The following USP34 variants were observed in gnomAD, a reference collection of about 807,000 sequenced individuals.
The protein encoded by USP34 is ubiquitin carboxyl-terminal hydrolase 34.
In USP34, 70 loss-of-function variants were observed where a neutral mutation model predicts 460.3. The ratio of observed to expected loss-of-function variants is 0.15; its 90% CI spans 0.13 to 0.19. The LOEUF is 0.19. Ranked by LOEUF, USP34 falls within the 10% of genes least tolerant of loss-of-function variation. USP34 has a pLI of 1.00. For missense variants in USP34, 3,985 were observed against 4,236.2 expected (o/e 0.94, Z 1.65); for synonymous variants, 1,647 against 1,405.3 (o/e 1.17, Z -3.85).
chr2:61,197,681 T>C (rs1686847515), intron 75 of USP34, among the ~76,000 whole-genome samples: 2 of 152,212 alleles, frequency 1.3e-5, no homozygotes, highest in African/African-American at 4.8e-5. Context: ...CATTGTAACC[T>C]TGAACTCCTG....
intron 1 of USP34, among the ~76,000 whole-genome samples, chr2:61,446,690 G>A (rs932205230): frequency 1.3e-5 from 2 of 151,892 alleles, no homozygotes; most frequent in Non-Finnish European, 2.9e-5. Flanking sequence ...CAGCTACTCA[G>A]GAGGCTGAGG....
At chr2:61,445,918 A>C (rs1001564247) in intron 1 of USP34, among the ~76,000 whole-genome samples, 1 of 152,014 alleles carries the variant, frequency 6.6e-6, no homozygotes, top group Admixed American at 6.6e-5. Flanking sequence ...ACTGCACTCC[A>C]GCCTGGGCAA....
chr2:61,221,847 G>T (rs551920530), intron 65 of USP34: 38 of 346,226 alleles, frequency 1.1e-4, no homozygotes, highest in East Asian at 8.4e-4. Context: ...TTTTGGAAAA[G>T]ATAATTATAA....
At chr2:61,350,733 C>T in intron 10 of USP34, 40 bp from the exon 11 acceptor site, 2 of 1,589,866 alleles carry the variant, frequency 1.3e-6, no homozygotes, top group Non-Finnish European at 1.7e-6. Flanking sequence ...AAAATAATTG[C>T]CCAATACATG....
At chr2:61,313,823 T>G (rs1328668833) in intron 25 of USP34, among the ~76,000 whole-genome samples, 1 of 152,124 alleles carries the variant, frequency 6.6e-6, no homozygotes, top group Non-Finnish European at 1.5e-5. Context: ...TACTATGCAA[T>G]CTTTCTTGAT....
At chr2:61,367,401 G>T (rs1021339739) in intron 10 of USP34, among the ~76,000 whole-genome samples, 1 of 152,200 alleles carries the variant, frequency 6.6e-6, no homozygotes, top group Non-Finnish European at 1.5e-5. Context: ...GCTCACTTGA[G>T]CCCAGAAGTT....
chr2:61,455,942 T>C (rs1695425240), intron 1 of USP34, among the ~76,000 whole-genome samples: 1 of 152,116 alleles, frequency 6.6e-6, no homozygotes, highest in Admixed American at 6.6e-5. Flanking sequence ...GGAGCAAGAT[T>C]TGAACTCAGG....
intron 29 of USP34, among the ~76,000 whole-genome samples, chr2:61,299,793 G>A (rs1034009301): frequency 9.2e-5 from 14 of 152,104 alleles, no homozygotes; most frequent in African/African-American, 3.4e-4. Flanking sequence ...CATCTTTATA[G>A]TGATAACCCA....
chr2:61,305,776 CTTT>C (rs202131348), intron 27 of USP34, among the ~76,000 whole-genome samples: 3 of 149,382 alleles, frequency 2.0e-5, no homozygotes, highest in African/African-American at 7.4e-5. Context: ...TCTTTATATC[CTTT>C]TTTTTTTCCC....
rs1686482142 is a variant in USP34, at chr2:61,187,863, A to AAC, written c.*237_*238dup. Reference sequence around the variant, plus strand: ...ATATTAAATGAAAGCCACTAAAGTGAACTCTTAATTACATAAAACATATCC... The same window carrying AAC: ...ATATTAAATGAAAGCCACTAAAGTGAACACTCTTAATTACATAAAACATATCC... On this transcript the variant is annotated 3_prime_UTR_variant, in exon 80 of 80. Coordinates refer to ENST00000398571, the MANE Select transcript of USP34 (RefSeq NM_014709.4). The AAC allele has an allele frequency of 1.5e-6, 2 of 1,313,194 alleles. No homozygotes were observed. The highest frequency in any genetic ancestry group is 2.0e-6 in the Non-Finnish European group (2 of 1,018,614). The allele number at this position is 1,313,194 out of a possible 1,614,324, so 81.3% of individuals were successfully genotyped here.
At chr2:61,252,051 A>G (rs552810666) in intron 48 of USP34, among the ~76,000 whole-genome samples, 3 of 152,230 alleles carry the variant, frequency 2.0e-5, no homozygotes, top group South Asian at 4.1e-4. Context: ...ATAAAATGTT[A>G]TGGTAGACTA....
At chr2:61,438,336 G>C (rs560640520) in intron 1 of USP34, among the ~76,000 whole-genome samples, 1 of 152,282 alleles carries the variant, frequency 6.6e-6, no homozygotes, top group Admixed American at 6.5e-5. Context: ...TCTAGGCCAG[G>C]CGTGGTGGCT....
intron 41 of USP34, among the ~76,000 whole-genome samples, chr2:61,275,910 G>C (rs909794858): frequency 6.6e-6 from 1 of 151,898 alleles, no homozygotes; most frequent in Admixed American, 6.6e-5. Flanking sequence ...ATAAACAGAA[G>C]AGAAGTAAAA....
At chr2:61,307,430 G>A (rs879877882) in intron 27 of USP34, among the ~76,000 whole-genome samples, 36 of 151,742 alleles carry the variant, frequency 2.4e-4, no homozygotes, top group Non-Finnish European at 2.6e-4. Context: ...AAACCTGCGC[G>A]TTGTGCACAT....
Position 61,284,965 on chromosome 2 carries a change from A to G in USP34, c.4750-8T>C, listed in dbSNP as rs1394312326. On this transcript the variant is annotated splice_region_variant and splice_polypyrimidine_tract_variant and intron_variant, in intron 34 of 79. Transcript: ENST00000398571. ...GACAAGAACAAGAAATACCTTTAAA[A>G]CAAAAACATTTTAAAAGATATTTAA... 2 of 1,600,816 alleles carry G rather than the reference A, an allele frequency of 1.2e-6. No homozygotes were observed. The highest frequency in any genetic ancestry group is 8.5e-7 in the Non-Finnish European group (1 of 1,173,496).
chr2:61,395,062 CA>C, intron 4 of USP34, 60 bp from the exon 5 acceptor site: 1 of 1,512,144 alleles, frequency 6.6e-7, no homozygotes, highest in Non-Finnish European at 8.9e-7. Context: ...TTTATCTTAG[CA>C]ATACTGGAAA....
intron 1 of USP34, among the ~76,000 whole-genome samples, chr2:61,445,898 C>T (rs182448758): frequency 4.1e-4 from 61 of 149,528 alleles, no homozygotes; most frequent in African/African-American, 1.5e-3. Context: ...CAGTGAGCTG[C>T]GATCGTGCCA....
At chr2:61,365,308 AATGT>A (rs896564999) in intron 10 of USP34, among the ~76,000 whole-genome samples, 6 of 122,116 alleles carry the variant, frequency 4.9e-5, no homozygotes, top group East Asian at 2.4e-4. Context: ...TTTATTTATA[AATGT>A]GTGTGTGTGT....
At position 61,470,644 on chromosome 2, in the gene USP34, A is replaced by G. The variant is rs1362492595; in HGVS notation, c.43+6T>C. 6 of 1,581,582 alleles carry G rather than the reference A, an allele frequency of 3.8e-6. No homozygotes were observed. The Admixed American group carries it at 1.0e-4, about 27-fold the overall frequency. ...ACCCCGACAGGCCGCTACCGCGGCT[A>G]CTTACTTTCATTTAACACCTCCACC... On this transcript the variant is annotated splice_donor_region_variant and intron_variant, in intron 1 of 79. Coordinates refer to ENST00000398571, the MANE Select transcript of USP34 (RefSeq NM_014709.4).
Sources: allele counts gnomAD v4.1 joint callset (sites outside exome capture counted in the v4.1 genomes callset), GRCh38; gene constraint gnomAD v4.1.1; transcripts MANE v1.5; gene names NCBI Gene and HGNC (gene_info 2026-07-23, HGNC 2026-07-21).